IQSEC1: variants seen among roughly 807,000 people sequenced by gnomAD.
IQSEC1 encodes the protein IQ motif and SEC7 domain-containing protein 1.
A neutral mutation model predicts 91.0 loss-of-function variants in IQSEC1; 31 were observed. That is an observed-to-expected ratio of 0.34 (90% confidence interval 0.26 to 0.46). IQSEC1 has a LOEUF of 0.46. Among genes scored for constraint, IQSEC1 ranks in the 20% least tolerant of loss-of-function variants. The probability of loss-of-function intolerance (pLI) is 1.00; values close to 1 mark genes in which losing one functional copy is unlikely to be tolerated. For missense variants in IQSEC1, 1,388 were observed against 1,575.6 expected (o/e 0.88, Z 2.02); for synonymous variants, 699 against 662.6 (o/e 1.05, Z -0.84).
In IQSEC1 at chr3:13,272,903, G is replaced by A. The variant is rs113284830; in HGVS notation, c.272+9808C>T. On this transcript the variant is annotated intron_variant, in intron 1 of 15. Coordinates refer to the IQSEC1 transcript ENST00000648114. ...CAAAATCAGCAGCATTAACTATGCAGAGAAGTGGGTAGATAAGAGACATGT... is the reference window on the plus strand; with the variant it reads ...CAAAATCAGCAGCATTAACTATGCAAAGAAGTGGGTAGATAAGAGACATGT... Among the ~76,000 whole-genome samples the A allele has an allele frequency of 7.4e-3, 1,134 of 152,348 alleles. 12 individuals carry two copies. Among genetic ancestry groups the A allele is most frequent in the African/African-American group, 0.026 (1,077 of 41,578 alleles).
In IQSEC1 at chr3:13,282,376, A is replaced by G. The variant is rs937015138; in HGVS notation, c.272+335T>C. ...TCCGAGACCTAGGTCCGCTCCCCGG[A>G]CAGACCTCCGCCCGGCTCGTCCGAG... On this transcript the variant is annotated intron_variant, in intron 1 of 15. Transcript: ENST00000648114. The surrounding 1 kb of genome is among the most constrained non-coding windows in gnomAD (Gnocchi z 6.4). Among the ~76,000 whole-genome samples the G allele has an allele frequency of 1.2e-4, 18 of 151,988 alleles. No individual in the cohort carries two copies. The highest frequency in any genetic ancestry group is 3.4e-3 in the Middle Eastern group (1 of 294).
At chr3:12,938,964 G>GGTC (rs1224927090) in intron 2 of IQSEC1, among the ~76,000 whole-genome samples, 2 of 152,184 alleles carry the variant, frequency 1.3e-5, no homozygotes, top group Non-Finnish European at 2.9e-5. Flanking sequence ...ACTTACCGTG[G>GGTC]GTCATTCTTC....
intron 1 of IQSEC1, among the ~76,000 whole-genome samples, chr3:13,005,800 C>T (rs1702611004): frequency 6.6e-6 from 1 of 152,312 alleles, no homozygotes; most frequent in African/African-American, 2.4e-5. Flanking sequence ...GCTTAGCTCC[C>T]CCTCCCTTCT....
At position 13,228,353 on chromosome 3, in the gene IQSEC1, T is replaced by C. The variant is rs575886436; in HGVS notation, c.272+54358A>G. Among the ~76,000 whole-genome samples, 335 of 152,248 alleles carry C rather than the reference T, an allele frequency of 2.2e-3. 1 individual carries two copies. Among genetic ancestry groups the C allele is most frequent in the Non-Finnish European group, 3.9e-3 (267 of 68,026 alleles). On this transcript the variant is annotated intron_variant, in intron 1 of 15. Coordinates refer to the IQSEC1 transcript ENST00000648114. ...AAGGAAGCGCACACGTGGGGCTTCG[T>C]GGGCTGGAACTGCATGACCTCGGCA...
chr3:13,149,977 C>G (rs1706967349), intron 2 of IQSEC1, among the ~76,000 whole-genome samples: 1 of 152,212 alleles, frequency 6.6e-6, no homozygotes, highest in Non-Finnish European at 1.5e-5. Context: ...AGTCCCTAGG[C>G]TCCCGGGAAC....
At chr3:13,238,327 C>T (rs1392739155) in intron 1 of IQSEC1, among the ~76,000 whole-genome samples, 3 of 152,176 alleles carry the variant, frequency 2.0e-5, no homozygotes, top group Non-Finnish European at 4.4e-5. Context: ...GCCCTGGCGT[C>T]CTCCCCTTGC....
At chr3:13,040,036 A>T (rs979931249) in intron 1 of IQSEC1, among the ~76,000 whole-genome samples, 6 of 152,210 alleles carry the variant, frequency 3.9e-5, no homozygotes, top group Admixed American at 2.6e-4. Flanking sequence ...CTCAGAATGA[A>T]GCCTCACATG....
rs116137151 is a variant in IQSEC1 at position 13,224,122 on chromosome 3, A to G, written c.272+58589T>C. Among the ~76,000 whole-genome samples, 1,089 of 152,206 alleles carry G rather than the reference A, an allele frequency of 7.2e-3. 12 individuals carry two copies. The highest frequency in any genetic ancestry group is 0.024 in the African/African-American group (1,010 of 41,530). On this transcript the variant is annotated intron_variant, in intron 1 of 15. Transcript: ENST00000648114. ...GGCTGCTGGGAGGCTTCAGTGGCAA[A>G]GGCAGGAAGACTACACAATCCAGGG...
intron 2 of IQSEC1, among the ~76,000 whole-genome samples, chr3:13,151,594 C>T (rs1020755562): frequency 6.6e-6 from 1 of 152,156 alleles, no homozygotes; most frequent in African/African-American, 2.4e-5. Context: ...GGGGCAGGCT[C>T]GGTGGCCTGA....
intron 2 of IQSEC1, among the ~76,000 whole-genome samples, chr3:13,130,689 C>T (rs1659179648): frequency 6.6e-6 from 1 of 152,122 alleles, no homozygotes; most frequent in Admixed American, 6.5e-5. Flanking sequence ...GTAATCCCAA[C>T]ACTTTGGGAG....
chr3:13,162,416 C>T (rs756908014), intron 2 of IQSEC1, among the ~76,000 whole-genome samples: 1 of 152,140 alleles, frequency 6.6e-6, no homozygotes, highest in Non-Finnish European at 1.5e-5. Context: ...CAGAGCCAGC[C>T]CCAGGGATTG....
chr3:13,077,814 G>T (rs1367740965), upstream of IQSEC1, among the ~76,000 whole-genome samples: 1 of 152,246 alleles, frequency 6.6e-6, no homozygotes, highest in Admixed American at 6.5e-5. Context: ...CCTGTCCCCT[G>T]TCTTGGGGGA....
intron 12 of IQSEC1, among the ~76,000 whole-genome samples, chr3:12,906,295 C>T (rs1023040834): frequency 3.3e-5 from 5 of 152,266 alleles, no homozygotes; most frequent in Admixed American, 1.3e-4. Context: ...CTGTGAGGGC[C>T]GTGGTGAGTG....
chr3:12,928,659 C>T (rs145133817), intron 3 of IQSEC1, among the ~76,000 whole-genome samples: 58 of 152,338 alleles, frequency 3.8e-4, no homozygotes, highest in Middle Eastern at 3.4e-3. Flanking sequence ...TCCTTGGTGG[C>T]CCTGCTGGGT....
chr3:12,981,446 G>A (rs568319810), intron 1 of IQSEC1, among the ~76,000 whole-genome samples: 23 of 152,228 alleles, frequency 1.5e-4, no homozygotes, highest in South Asian at 6.2e-4. Flanking sequence ...CTAATAACAC[G>A]AGACATCTCT....
intron 1 of IQSEC1, among the ~76,000 whole-genome samples, chr3:13,009,639 A>G (rs1231246970): frequency 1.4e-5 from 2 of 145,048 alleles, no homozygotes; most frequent in Non-Finnish European, 3.0e-5. Context: ...ACCAGTAGGC[A>G]TAATAATTAG....
Position 13,282,034 on chromosome 3 carries a change from G to C in IQSEC1, c.272+677C>G, listed in dbSNP as rs1695801459. On this transcript the variant is annotated intron_variant, in intron 1 of 15. Coordinates refer to the IQSEC1 transcript ENST00000648114. The surrounding 1 kb of genome is among the most constrained non-coding windows in gnomAD (Gnocchi z 6.4). ...CCGGCTGGCGGGCTGCGAGCCGGTAGGGACGCTGGGGTCCAGGGCTGCTGG... is the reference window on the plus strand; with the variant it reads ...CCGGCTGGCGGGCTGCGAGCCGGTACGGACGCTGGGGTCCAGGGCTGCTGG... 6.6e-6 allele frequency among the ~76,000 whole-genome samples: 1 copy of C among 152,184 alleles called. No individual in the cohort carries two copies. The highest frequency in any genetic ancestry group is 2.1e-4 in the South Asian group (1 of 4,814).
chr3:13,125,990 C>A (rs545528662), intron 2 of IQSEC1, among the ~76,000 whole-genome samples: 1 of 152,252 alleles, frequency 6.6e-6, no homozygotes, highest in East Asian at 1.9e-4. Flanking sequence ...ATTTGGTGTT[C>A]TCAATATTAA....
intron 12 of IQSEC1, among the ~76,000 whole-genome samples, chr3:12,903,199 A>G (rs1281660843): frequency 6.6e-6 from 1 of 152,032 alleles, no homozygotes; most frequent in Non-Finnish European, 1.5e-5. Flanking sequence ...GTGAATGGGG[A>G]GGGGTGAGGG....
Sources: allele counts gnomAD v4.1 joint callset (sites outside exome capture counted in the v4.1 genomes callset), GRCh38; gene constraint gnomAD v4.1.1; non-coding constraint Gnocchi (gnomAD v3.1); transcripts MANE v1.5; gene names NCBI Gene and HGNC (gene_info 2026-07-23, HGNC 2026-07-21).